Variants in GLUD1 observed in about 807,000 individuals in gnomAD.
The protein encoded by GLUD1 is glutamate dehydrogenase 1.
A neutral mutation model predicts 56.0 loss-of-function variants in GLUD1; 22 were observed. The observed-to-expected ratio is 0.39, with a 90% CI of 0.28 to 0.56. The LOEUF (loss-of-function observed/expected upper bound fraction) is 0.56. GLUD1 is among the 20% of genes least tolerant of loss of function. The pLI is 0.58. For missense variants in GLUD1, 451 were observed against 732.0 expected (o/e 0.62, Z 4.43); for synonymous variants, 223 against 269.9 (o/e 0.83, Z 1.70).
At chr10:87,074,326 C>G (rs1846322888) in intron 4 of GLUD1, among the ~76,000 whole-genome samples, 1 of 151,994 alleles carries the variant, frequency 6.6e-6, no homozygotes, top group Non-Finnish European at 1.5e-5. Context: ...CATGGCAAAG[C>G]CCCATCTCCA....
At chr10:87,080,373 T>C (rs1359614136) in intron 1 of GLUD1, among the ~76,000 whole-genome samples, 1 of 151,958 alleles carries the variant, frequency 6.6e-6, no homozygotes. Context: ...GTCTAGGAAG[T>C]GAGGAGTGTC....
At chr10:87,089,219 T>G (rs1447184866) in intron 1 of GLUD1, among the ~76,000 whole-genome samples, 1 of 152,198 alleles carries the variant, frequency 6.6e-6, no homozygotes, top group Non-Finnish European at 1.5e-5. Context: ...GCGCTTACAA[T>G]TAAAAGCCTA....
At chr10:87,088,732 G>A (rs1175451615) in intron 1 of GLUD1, among the ~76,000 whole-genome samples, 1 of 152,206 alleles carries the variant, frequency 6.6e-6, no homozygotes, top group Non-Finnish European at 1.5e-5. Context: ...AATTACGTCT[G>A]ATAGACTTTC....
rs1290861214 is a variant in GLUD1 at position 87,059,306 on chromosome 10, G to A, written c.1279-33C>T. 1.9e-6 allele frequency: 3 copies of A among 1,609,916 alleles called. No homozygotes were observed. In the South Asian group the frequency reaches 3.3e-5, roughly 18 times the overall value. Reference sequence around the variant, plus strand: ...CAAAAATAAGACAAAGAAATTAGAAGATGATGGTTTTCGTAAAAGCTGAAA... The same window carrying A: ...CAAAAATAAGACAAAGAAATTAGAAAATGATGGTTTTCGTAAAAGCTGAAA... On this transcript the variant is annotated intron_variant, in intron 9 of 12. Coordinates refer to ENST00000277865, the MANE Select transcript of GLUD1 (RefSeq NM_005271.5).
At chr10:87,057,399 C>T (rs531061878) in intron 11 of GLUD1, among the ~76,000 whole-genome samples, 1 of 152,294 alleles carries the variant, frequency 6.6e-6, no homozygotes, top group South Asian at 2.1e-4. Context: ...TTCAATTCTT[C>T]CTATTTCTCT....
At position 87,094,092 on chromosome 10, in the gene GLUD1, G is replaced by A; in HGVS notation, c.445+233C>T. On this transcript the variant is annotated intron_variant, in intron 1 of 12. Coordinates refer to ENST00000277865, the MANE Select transcript of GLUD1 (RefSeq NM_005271.5). The surrounding 1 kb of genome is among the most constrained non-coding windows in gnomAD (Gnocchi z 6.6). ...GCATGCAAGATCAGCATATACAGAG[G>A]CCCGGGGTGACGGCGCGGGGGAGGG... is the stretch of plus-strand genomic sequence containing the variant. 3.3e-6 allele frequency: 5 copies of A among 1,507,406 alleles called. No individual in the cohort carries two copies. The highest frequency in any genetic ancestry group is 4.4e-6 in the Non-Finnish European group (5 of 1,130,778). 93.4% of individuals were successfully genotyped at this position (1,507,406 alleles called of 1,614,324 possible).
intron 1 of GLUD1, among the ~76,000 whole-genome samples, chr10:87,092,125 G>A (rs1486744292): frequency 6.6e-6 from 1 of 152,180 alleles, no homozygotes; most frequent in African/African-American, 2.4e-5. Context: ...GCAAACAAGG[G>A]TGATAAATGG....
At chr10:87,089,714 C>G in intron 1 of GLUD1, 1 of 980,272 alleles carries the variant, frequency 1.0e-6, no homozygotes, top group African/African-American at 1.7e-5. Flanking sequence ...CCTTTCCTGC[C>G]TTTAACAGTA....
intron 12 of GLUD1, 77 bp from the exon 13 acceptor site, chr10:87,051,947 G>C (rs1482980316): frequency 6.5e-7 from 1 of 1,546,926 alleles, no homozygotes; most frequent in East Asian, 2.2e-5. Flanking sequence ...GGCCCAGACA[G>C]GCCTGGTCCA....
intron 1 of GLUD1, among the ~76,000 whole-genome samples, chr10:87,077,794 G>A (rs1415476661): frequency 6.6e-6 from 1 of 151,880 alleles, no homozygotes; most frequent in Non-Finnish European, 1.5e-5. Flanking sequence ...GTGTGTGAAG[G>A]ATACCCACAA....
intron 5 of GLUD1, among the ~76,000 whole-genome samples, chr10:87,065,141 A>C (rs1343886079): frequency 6.6e-6 from 1 of 151,930 alleles, no homozygotes; most frequent in East Asian, 1.9e-4. Flanking sequence ...AAATACAAAA[A>C]AATTAGCTGG....
Position 87,094,082 on chromosome 10 carries a change from A to G in GLUD1, c.445+243T>C. On this transcript the variant is annotated intron_variant, in intron 1 of 12. Transcript: ENST00000277865. This position sits in a 1 kb window ranked among gnomAD's most constrained non-coding sequence, Gnocchi z 6.6. Reference sequence around the variant, plus strand: ...CGTCTACTCTGCATGCAAGATCAGCATATACAGAGGCCCGGGGTGACGGCG... The same window carrying G: ...CGTCTACTCTGCATGCAAGATCAGCGTATACAGAGGCCCGGGGTGACGGCG... 6.6e-7 allele frequency: 1 copy of G among 1,515,540 alleles called. No homozygotes were observed. The highest frequency in any genetic ancestry group is 8.8e-7 in the Non-Finnish European group (1 of 1,134,194). The allele number at this position is 1,515,540 out of a possible 1,614,324, so 93.9% of individuals were successfully genotyped here.
At chr10:87,080,567 G>C in intron 1 of GLUD1, among the ~76,000 whole-genome samples, 1 of 151,910 alleles carries the variant, frequency 6.6e-6, no homozygotes, top group East Asian at 1.9e-4. Flanking sequence ...CGTCTGCGAT[G>C]TGGGGAGCGC....
chr10:87,069,680 TA>T (rs142717647), intron 4 of GLUD1, among the ~76,000 whole-genome samples: 288 of 152,274 alleles, frequency 1.9e-3, no homozygotes, highest in African/African-American at 6.6e-3. Context: ...AAGGCCTAAA[TA>T]ATAAACTTTT....
intron 11 of GLUD1, among the ~76,000 whole-genome samples, chr10:87,056,136 A>AACCAAAAAAAAAT (rs1564762517): frequency 2.4e-4 from 36 of 150,168 alleles, no homozygotes; most frequent in African/African-American, 8.5e-4. Flanking sequence ...AAAAAAAAAA[A>AACCAAAAAAAAAT]AAAACCAAAA....
At chr10:87,089,847 T>A in intron 1 of GLUD1, 1 of 332,698 alleles carries the variant, frequency 3.0e-6, no homozygotes, top group Non-Finnish European at 4.3e-6. Context: ...ACAGCGGCAT[T>A]AGATTTAAGA....
At position 87,094,304 on chromosome 10, in the gene GLUD1, CG is replaced by C. The variant is rs1223819096; in HGVS notation, c.445+20del. The C allele has an allele frequency of 1.9e-6, 3 of 1,581,898 alleles. No individual in the cohort carries two copies. The East Asian group carries it at 7.0e-5, about 37-fold the overall frequency. ...CGCAGGGGAGGCAGGGAGGGCGGGA[CG>C]GGGCCCGGCCGACGCTCACCTCCCT... On this transcript the variant is annotated intron_variant, in intron 1 of 12. Transcript: ENST00000277865. This position sits in a 1 kb window ranked among gnomAD's most constrained non-coding sequence, Gnocchi z 6.6.
intron 1 of GLUD1, among the ~76,000 whole-genome samples, chr10:87,078,770 G>T (rs1355537095): frequency 6.6e-6 from 1 of 152,120 alleles, no homozygotes; most frequent in Admixed American, 6.5e-5. Flanking sequence ...TGGTCAAAGG[G>T]TACAAAGCCT....
rs7069764 is a variant in GLUD1 at position 87,057,507 on chromosome 10, G to C, written c.1494+184C>G. Among the ~76,000 whole-genome samples the C allele has an allele frequency of 0.29, 44,314 of 152,064 alleles. 7,306 individuals are homozygous for C. Among genetic ancestry groups the C allele is most frequent in the East Asian group, 0.7 (3,595 of 5,168 alleles). ...TTTATTTTATATTTGTTAGTAGTCA[G>C]TAGGATTCTTACTCCAGTTTTAGAA... On this transcript the variant is annotated intron_variant, in intron 11 of 12. Coordinates refer to ENST00000277865, the MANE Select transcript of GLUD1 (RefSeq NM_005271.5).
Sources: allele counts gnomAD v4.1 joint callset (sites outside exome capture counted in the v4.1 genomes callset), GRCh38; gene constraint gnomAD v4.1.1; non-coding constraint Gnocchi (gnomAD v3.1); transcripts MANE v1.5; gene names NCBI Gene and HGNC (gene_info 2026-07-23, HGNC 2026-07-21).